PDE1C: variants seen among roughly 807,000 people sequenced by gnomAD.
PDE1C encodes the protein dual specificity calcium/calmodulin-dependent 3',5'-cyclic nucleotide phosphodiesterase 1C.
A neutral mutation model predicts 93.1 loss-of-function variants in PDE1C; 62 were observed. That is an observed-to-expected ratio of 0.67 (90% CI 0.54 to 0.82). PDE1C has a LOEUF of 0.82. PDE1C is among the 40% of genes least tolerant of loss of function. The pLI is 0.00. For synonymous variants in PDE1C, 325 were observed against 310.1 expected (o/e 1.05, Z -0.50); for missense variants, 742 against 884.6 (o/e 0.84, Z 2.04).
chr7:32,054,323 A>C (rs1793767593), intron 1 of PDE1C, among the ~76,000 whole-genome samples: 1 of 152,176 alleles, frequency 6.6e-6, no homozygotes, highest in Non-Finnish European at 1.5e-5. Flanking sequence ...ACTAGCTATG[A>C]GACCTCAGGC....
At chr7:32,299,122 A>C in exon 1 of PDE1C, 1 of 1,043,440 alleles carries the variant, frequency 9.6e-7, no homozygotes, top group East Asian at 8.4e-5. Context: ...CGCCACAGGA[A>C]AGTCTGTTTT....
chr7:31,996,513 G>A (rs1784748270), intron 2 of PDE1C, among the ~76,000 whole-genome samples: 1 of 152,314 alleles, frequency 6.6e-6, no homozygotes, highest in Middle Eastern at 3.4e-3. Context: ...GGTCTGATGA[G>A]GCGATTATAG....
chr7:31,717,426 C>G, the PDE1C span, among the ~76,000 whole-genome samples: 1 of 152,134 alleles, frequency 6.6e-6, no homozygotes, highest in Non-Finnish European at 1.5e-5. Context: ...CTGCCTTCAG[C>G]CTTGGGAGCC....
At chr7:32,001,269 G>T (rs145389653) in intron 2 of PDE1C, among the ~76,000 whole-genome samples, 1 of 152,218 alleles carries the variant, frequency 6.6e-6, no homozygotes, top group African/African-American at 2.4e-5. Context: ...TTTTTACTAT[G>T]CATGTATACT....
At chr7:32,141,268 G>A (rs146694506) in intron 3 of PDE1C, among the ~76,000 whole-genome samples, 1,546 of 152,266 alleles carry the variant, frequency 0.01, 24 homozygotes, top group African/African-American at 0.035. Flanking sequence ...GGAGTTCAAT[G>A]CTGTAATGTG....
At chr7:32,054,938 G>A (rs1323791513) in intron 1 of PDE1C, among the ~76,000 whole-genome samples, 1 of 152,154 alleles carries the variant, frequency 6.6e-6, no homozygotes, top group African/African-American at 2.4e-5. Flanking sequence ...GTTCTCAACT[G>A]AAACATCACT....
intron 3 of PDE1C, among the ~76,000 whole-genome samples, chr7:32,083,049 T>C (rs2128738563): frequency 6.6e-6 from 1 of 151,342 alleles, no homozygotes; most frequent in South Asian, 2.1e-4. Flanking sequence ...ACGATCAAAC[T>C]ACTCTGAGCT....
intron 9 of PDE1C, among the ~76,000 whole-genome samples, chr7:31,839,325 AATAG>A (rs1299614798): frequency 6.6e-6 from 1 of 151,432 alleles, no homozygotes; most frequent in Non-Finnish European, 1.5e-5. Flanking sequence ...TTTAAAATAT[AATAG>A]ATAATACATA....
At chr7:31,987,776 T>C (rs1019855673) in intron 2 of PDE1C, among the ~76,000 whole-genome samples, 2 of 152,130 alleles carry the variant, frequency 1.3e-5, no homozygotes, top group African/African-American at 4.8e-5. Flanking sequence ...CTGAATGATA[T>C]CCAATACAGA....
chr7:32,140,032 A>G (rs1348595661), intron 3 of PDE1C, among the ~76,000 whole-genome samples: 1 of 152,194 alleles, frequency 6.6e-6, no homozygotes, highest in Non-Finnish European at 1.5e-5. Flanking sequence ...CTATTCTTCT[A>G]CATATGTGCA....
chr7:32,051,709 G>C, intron 1 of PDE1C, 129 bp from the exon 2 acceptor site: 2 of 735,554 alleles, frequency 2.7e-6, no homozygotes, highest in Non-Finnish European at 4.8e-6. Flanking sequence ...TGAAGCTTAT[G>C]GGTTTCAAAG....
intron 1 of PDE1C, among the ~76,000 whole-genome samples, chr7:32,369,641 T>A (rs1370960523): frequency 1.3e-5 from 2 of 152,210 alleles, no homozygotes; most frequent in Non-Finnish European, 1.5e-5. Context: ...TCTTGCAATT[T>A]ATCCAAAGAA....
chr7:31,766,764 A>G (rs975823460), intron 17 of PDE1C, among the ~76,000 whole-genome samples: 1 of 152,256 alleles, frequency 6.6e-6, no homozygotes, highest in African/African-American at 2.4e-5. Context: ...CATTATGCTC[A>G]GCATTGTTTG....
At chr7:31,943,387 C>G (rs1448593404) in intron 2 of PDE1C, among the ~76,000 whole-genome samples, 3 of 152,154 alleles carry the variant, frequency 2.0e-5, no homozygotes, top group African/African-American at 4.8e-5. Flanking sequence ...CTGGCATGGC[C>G]ACTCCAGAGA....
At chr7:31,925,465 GA>G (rs1803253399) in intron 2 of PDE1C, among the ~76,000 whole-genome samples, 1 of 26,858 alleles carries the variant, frequency 3.7e-5, no homozygotes, top group Non-Finnish European at 7.0e-5. Flanking sequence ...GGATGCTTAG[GA>G]AAAACTCTTA....
intron 1 of PDE1C, among the ~76,000 whole-genome samples, chr7:32,374,850 T>A (rs1333831076): frequency 5.3e-5 from 8 of 152,302 alleles, no homozygotes; most frequent in African/African-American, 1.9e-4. Flanking sequence ...TTCAATTGTA[T>A]CCCAGCTCAT....
chr7:31,678,049 A>G, the PDE1C span, among the ~76,000 whole-genome samples: 1 of 152,162 alleles, frequency 6.6e-6, no homozygotes, highest in Non-Finnish European at 1.5e-5. Context: ...TAAACTCACA[A>G]ATATACACAT....
At chr7:31,627,020 A>G in the PDE1C span, among the ~76,000 whole-genome samples, 2 of 152,350 alleles carry the variant, frequency 1.3e-5, no homozygotes, top group African/African-American at 2.4e-5. Flanking sequence ...TCTAAAACAC[A>G]TATGTTGAGG....
chr7:32,016,737 T>A (rs1413012374), intron 2 of PDE1C, among the ~76,000 whole-genome samples: 2 of 152,154 alleles, frequency 1.3e-5, no homozygotes, highest in Non-Finnish European at 2.9e-5. Context: ...ATCAATAAAG[T>A]GAATAAAATC....
Sources: allele counts gnomAD v4.1 joint callset (sites outside exome capture counted in the v4.1 genomes callset), GRCh38; gene constraint gnomAD v4.1.1; transcripts MANE v1.5; gene names NCBI Gene and HGNC (gene_info 2026-07-23, HGNC 2026-07-21).